Variants in HDDC2 observed in about 807,000 individuals in gnomAD.
HDDC2 encodes 5'-deoxynucleotidase HDDC2.
HDDC2 carries 25 observed loss-of-function variants against 25.5 expected under a neutral mutation model. That is an observed-to-expected ratio of 0.98 (90% confidence interval 0.72 to 1.37). The LOEUF is 1.37. HDDC2 is among the 40% of genes most tolerant of loss of function. The pLI, the probability that HDDC2 is intolerant of heterozygous loss-of-function variation, is 0.00. For synonymous variants in HDDC2, 106 were observed against 89.7 expected (o/e 1.18, Z -1.03); for missense variants, 264 against 253.1 (o/e 1.04, Z -0.29).
intron 3 of HDDC2, chr6:125,297,366 T>G (rs1798719793): frequency 5.1e-6 from 2 of 389,750 alleles, no homozygotes; most frequent in East Asian, 3.7e-5. Context: ...AGCCTGTATC[T>G]TGGACCTAAA....
intron 2 of HDDC2, chr6:125,300,309 CCT>C (rs901629548): frequency 6.1e-6 from 3 of 491,172 alleles, no homozygotes; most frequent in South Asian, 3.1e-5. Flanking sequence ...TTAAGTTTCC[CCT>C]GATACCCTAG....
intron 4 of HDDC2, among the ~76,000 whole-genome samples, chr6:125,281,824 C>A (rs1179365206): frequency 6.6e-6 from 1 of 152,144 alleles, no homozygotes; most frequent in East Asian, 1.9e-4. Flanking sequence ...GATAGGCCAG[C>A]ATTCAAATTC....
intron 4 of HDDC2, 28 bp from the exon 5 acceptor site, chr6:125,277,268 T>C (rs369952602): frequency 1.2e-5 from 19 of 1,611,656 alleles, no homozygotes; most frequent in Non-Finnish European, 1.4e-5. Context: ...TAAAGCAGCA[T>C]GATTAGCGCT....
rs1022528413 is a variant in HDDC2 at position 125,292,926 on chromosome 6, T to G, written c.310-17A>C. 2.6e-6 allele frequency: 4 copies of G among 1,555,150 alleles called. No individual in the cohort carries two copies. The highest frequency in any genetic ancestry group is 3.5e-6 in the Non-Finnish European group (4 of 1,126,770). ...CATAGCTTCCTGAAATATTAAACCA[T>G]TATCTTTAATTATATTGACATTTAT... On this transcript the variant is annotated splice_polypyrimidine_tract_variant and intron_variant, in intron 3 of 5. Transcript: ENST00000398153.
chr6:125,276,372 CAGAA>C (rs1230787945), intron 5 of HDDC2, 129 bp from the exon 6 acceptor site: 2 of 686,104 alleles, frequency 2.9e-6, no homozygotes, highest in African/African-American at 3.6e-5. Flanking sequence ...CATTCCAAAG[CAGAA>C]AGAGATTCCA....
Position 125,301,827 on chromosome 6 carries a change from TCCCGG to T in HDDC2, c.84+17_84+21del. 1 of 1,529,698 alleles carries T rather than the reference TCCCGG, an allele frequency of 6.5e-7. No individual in the cohort carries two copies. The highest frequency in any genetic ancestry group is 8.8e-7 in the Non-Finnish European group (1 of 1,137,702). The allele number at this position is 1,529,698 out of a possible 1,614,324, so 94.8% of individuals were successfully genotyped here. Reference sequence around the variant, plus strand: ...CAGTCCCGCCCGCTCGGCCGCGGCCTCCCGGCCTGGTGCCCGCTCACCTTGAGCTG... The same window carrying T: ...CAGTCCCGCCCGCTCGGCCGCGGCCTCCTGGTGCCCGCTCACCTTGAGCTG... On this transcript the variant is annotated intron_variant, in intron 1 of 5. Transcript: ENST00000398153.
chr6:125,290,378 T>C (rs991868959), intron 4 of HDDC2, among the ~76,000 whole-genome samples: 3 of 152,226 alleles, frequency 2.0e-5, no homozygotes, highest in African/African-American at 7.2e-5. Context: ...GGAGCCACTA[T>C]TTGAACCTTG....
chr6:125,287,577 G>T (rs866961170), intron 4 of HDDC2, among the ~76,000 whole-genome samples: 2 of 152,220 alleles, frequency 1.3e-5, no homozygotes, highest in African/African-American at 4.8e-5. Flanking sequence ...ACAATTAGGT[G>T]TAACTGTTCA....
rs769867084 is a variant in HDDC2, at chr6:125,288,052, C to A, written c.378+4789G>T. Reference sequence around the variant, plus strand: ...CAGCGAACTCCTCACCTGTTTAGTGCTGAAGAGAAGTAGGGAAATGTGGCA... The same window carrying A: ...CAGCGAACTCCTCACCTGTTTAGTGATGAAGAGAAGTAGGGAAATGTGGCA... On this transcript the variant is annotated intron_variant, in intron 4 of 5. Coordinates refer to ENST00000398153, the MANE Select transcript of HDDC2 (RefSeq NM_016063.3). 4.6e-5 allele frequency among the ~76,000 whole-genome samples: 7 copies of A among 152,154 alleles called. No individual in the cohort carries two copies. The East Asian group carries it at 1.4e-3, about 29-fold the overall frequency.
chr6:125,299,064 A>G (rs1419918324), intron 2 of HDDC2, among the ~76,000 whole-genome samples: 1 of 152,070 alleles, frequency 6.6e-6, no homozygotes, highest in Non-Finnish European at 1.5e-5. Context: ...TTTTTTCTTA[A>G]ATGGTTTATC....
In HDDC2 at chr6:125,299,393, C is replaced by A. The variant is rs547391414; in HGVS notation, c.207-577G>T. ...GTGAGACTGTCTCAACAAAAAAAAA[C>A]GAGATTACATTTGACAACTTTCATG... On this transcript the variant is annotated intron_variant, in intron 2 of 5. Transcript: ENST00000398153. 2.5e-3 allele frequency among the ~76,000 whole-genome samples: 377 copies of A among 152,106 alleles called. 3 individuals are homozygous for A. Among genetic ancestry groups the A allele is most frequent in the African/African-American group, 8.7e-3 (360 of 41,488 alleles).
chr6:125,300,810 A>G (rs1798787935), intron 1 of HDDC2, 151 bp from the exon 2 acceptor site: 1 of 703,568 alleles, frequency 1.4e-6, no homozygotes, highest in African/African-American at 1.8e-5. Flanking sequence ...AGCTAAAATG[A>G]TAGACATCTG....
intron 2 of HDDC2, 71 bp from the exon 3 acceptor site, chr6:125,298,887 C>A: frequency 2.1e-6 from 2 of 968,170 alleles, no homozygotes; most frequent in Non-Finnish European, 3.3e-6. Context: ...CTATACTCTT[C>A]CAAAGTTATA....
chr6:125,290,535 G>C (rs1168706527), intron 4 of HDDC2, among the ~76,000 whole-genome samples: 5 of 152,146 alleles, frequency 3.3e-5, no homozygotes, highest in African/African-American at 4.8e-5. Context: ...GACCCTATTT[G>C]GAAATAGGGT....
intron 3 of HDDC2, chr6:125,297,634 C>T: frequency 5.0e-6 from 2 of 399,568 alleles, no homozygotes; most frequent in Non-Finnish European, 8.8e-6. Flanking sequence ...GTCTCCCCAG[C>T]TCTGAGAATA....
At chr6:125,293,724 CACA>C (rs1798664034) in intron 3 of HDDC2, among the ~76,000 whole-genome samples, 1 of 152,180 alleles carries the variant, frequency 6.6e-6, no homozygotes, top group African/African-American at 2.4e-5. Context: ...AACCCACAAA[CACA>C]ACGTCAAACA....
In HDDC2 at chr6:125,298,724, CTA is replaced by C. The variant is rs1339680958; in HGVS notation, c.297_298del (p.His99GlnfsTer24). On this transcript the variant is annotated frameshift_variant, in exon 3 of 6. Transcript: ENST00000398153. LOFTEE classifies it high-confidence loss of function. ...ATAGTCAACACTGACCTCTTCTCGC[CTA>C]TGTTTTTCTTCTTTGGGGATGTTAT... The C allele has an allele frequency of 6.2e-7, 1 of 1,613,556 alleles. No homozygotes were observed. Among genetic ancestry groups the C allele is most frequent in the African/African-American group, 1.3e-5 (1 of 74,894 alleles).
Position 125,300,765 on chromosome 6 carries a change from A to G in HDDC2, c.85-106T>C, listed in dbSNP as rs114877612. On this transcript the variant is annotated intron_variant, in intron 1 of 5. Coordinates refer to ENST00000398153, the MANE Select transcript of HDDC2 (RefSeq NM_016063.3). ...TATAACACACAGAAGCCGGGTCATA[A>G]TTTCAGAACCTATTACAAAATGTTT... 3.9e-3 allele frequency: 4,378 copies of G among 1,136,604 alleles called. 131 individuals carry two copies. In the African/African-American group the frequency reaches 0.062, roughly 16 times the overall value. 70.4% of individuals were successfully genotyped at this position (1,136,604 alleles called of 1,614,324 possible).
intron 3 of HDDC2, among the ~76,000 whole-genome samples, chr6:125,298,190 A>G (rs1197600533): frequency 6.6e-6 from 1 of 152,164 alleles, no homozygotes; most frequent in Non-Finnish European, 1.5e-5. Flanking sequence ...GCATCACACA[A>G]TATTCCCATG....
Sources: allele counts gnomAD v4.1 joint callset (sites outside exome capture counted in the v4.1 genomes callset), GRCh38; gene constraint gnomAD v4.1.1; transcripts MANE v1.5; gene names NCBI Gene and HGNC (gene_info 2026-07-23, HGNC 2026-07-21).